Variants in FLT1 observed in about 807,000 individuals in gnomAD.
FLT1 encodes the protein fms related receptor tyrosine kinase 1.
FLT1 carries 49 observed loss-of-function variants against 156.3 expected under a neutral mutation model. The observed-to-expected ratio is 0.31, with a 90% CI of 0.25 to 0.40. FLT1 has a LOEUF of 0.40. Among genes scored for constraint, FLT1 ranks in the 10% least tolerant of loss-of-function variants. The pLI is 1.00. For missense variants in FLT1, 1,322 were observed against 1,637.2 expected, an observed-to-expected ratio of 0.81 and a Z score of 3.32; for synonymous variants, 594 against 583.8, an observed-to-expected ratio of 1.02 and a Z score of -0.25.
At chr13:28,447,172 A>G (rs555678381) in intron 3 of FLT1, among the ~76,000 whole-genome samples, 65 of 147,414 alleles carry the variant, frequency 4.4e-4, no homozygotes, top group African/African-American at 1.6e-3. Context: ...AATATAATAT[A>G]TAATATATTA....
intron 1 of FLT1, among the ~76,000 whole-genome samples, chr13:28,476,401 T>C (rs1880548551): frequency 6.6e-6 from 1 of 152,216 alleles, no homozygotes. Context: ...GACTTTTACA[T>C]GGGCAACTTT....
chr13:28,317,711 A>G, intron 24 of FLT1, 114 bp from the exon 25 acceptor site: 1 of 735,690 alleles, frequency 1.4e-6, no homozygotes, highest in East Asian at 2.6e-5. Context: ...TTTAGTAATA[A>G]ATTCCCAGGG....
intron 14 of FLT1, among the ~76,000 whole-genome samples, chr13:28,370,101 G>A (rs1218241219): frequency 6.6e-6 from 1 of 151,868 alleles, no homozygotes; most frequent in Non-Finnish European, 1.5e-5. Context: ...ACTTGGGGAG[G>A]TGGGAGAGTT....
At chr13:28,364,431 G>A (rs1873215410) in intron 14 of FLT1, among the ~76,000 whole-genome samples, 1 of 152,086 alleles carries the variant, frequency 6.6e-6, no homozygotes, top group Non-Finnish European at 1.5e-5. Context: ...AAATTTGTCA[G>A]TATTTTTTAT....
At chr13:28,373,841 A>T (rs572733489) in intron 14 of FLT1, among the ~76,000 whole-genome samples, 1 of 152,128 alleles carries the variant, frequency 6.6e-6, no homozygotes, top group Non-Finnish European at 1.5e-5. Context: ...TACCACCCCC[A>T]CTAACCCCTC....
intron 14 of FLT1, among the ~76,000 whole-genome samples, chr13:28,378,487 A>G (rs952984493): frequency 1.3e-5 from 2 of 152,232 alleles, no homozygotes; most frequent in Non-Finnish European, 2.9e-5. Context: ...GTTATGCTCA[A>G]TGCTAAATGC....
In FLT1 at chr13:28,434,090, A is replaced by G. The variant is rs1214595771; in HGVS notation, c.644T>C (p.Leu215Ser). ...ATGTGTGAGATAGTTTGTCTTATAC[A>G]AATGCCCATTGACTGTTGCTTCACA... Reference protein sequence around the residue: ...LTCEATVNGHLYKTNYLTHRQ... With the variant: ...LTCEATVNGHSYKTNYLTHRQ... The change falls in exon 5 of 30, where the codon TTG (leucine) becomes TCG (serine). Residue 215 changes from leucine (L) to serine (S), a missense_variant. By Grantham distance (145) the Leu-to-Ser change is moderately radical (BLOSUM62 -2). This residue lies in a region of FLT1 where 991 missense variants were observed against 1,254.8 expected (regional missense o/e 0.79). Transcript: ENST00000282397. 1.2e-6 allele frequency: 2 copies of G among 1,614,218 alleles called. No individual in the cohort carries two copies. Among genetic ancestry groups the G allele is most frequent in the Admixed American group, 1.7e-5 (1 of 60,026 alleles).
At chr13:28,318,573 C>T (rs997227599) in intron 24 of FLT1, among the ~76,000 whole-genome samples, 7 of 152,294 alleles carry the variant, frequency 4.6e-5, no homozygotes, top group African/African-American at 7.2e-5. Context: ...GCAGTGCTGG[C>T]ACCGTGTCAT....
chr13:28,303,427 C>T (rs892911479), intron 29 of FLT1, 59 bp from the exon 30 acceptor site: 84 of 1,466,940 alleles, frequency 5.7e-5, no homozygotes, highest in Non-Finnish European at 7.3e-5. Context: ...AAAACAAAGA[C>T]ACTAAAATCT....
rs1372269126 is a variant in FLT1, at chr13:28,386,264, A to T, written c.1970-1233T>A. On this transcript the variant is annotated intron_variant, in intron 13 of 29. Transcript: ENST00000282397. ...TTTCCCTTTTGAGTCCTGCAGGGCAACTCTCAGGATTAGCATTTGTTAAAG... is the reference window on the plus strand; with the variant it reads ...TTTCCCTTTTGAGTCCTGCAGGGCATCTCTCAGGATTAGCATTTGTTAAAG... 3.8e-6 allele frequency: 4 copies of T among 1,049,358 alleles called. No homozygotes were observed. The African/African-American group carries it at 6.6e-5, about 17-fold the overall frequency. 65.0% of individuals were successfully genotyped at this position (1,049,358 alleles called of 1,614,324 possible).
At position 28,390,223 on chromosome 13, in the gene FLT1, ATGAG is replaced by A. The variant is rs921722887; in HGVS notation, c.1661-123_1661-120del. The A allele has an allele frequency of 6.5e-6, 9 of 1,376,110 alleles. No individual in the cohort carries two copies. In the African/African-American group the frequency reaches 1.3e-4, roughly 20 times the overall value. 85.2% of individuals were successfully genotyped at this position (1,376,110 alleles called of 1,614,324 possible). A position where few individuals can be genotyped will look rare whatever the true frequency, so the allele number is the denominator to read the frequency against. ...TATCTCAGTATCCACATTAAAAAGGATGAGTATTTGGGGTAAATGAGCAAACACA... is the reference window on the plus strand; with the variant it reads ...TATCTCAGTATCCACATTAAAAAGGATATTTGGGGTAAATGAGCAAACACA... On this transcript the variant is annotated intron_variant, in intron 12 of 29. Coordinates refer to ENST00000282397, the MANE Select transcript of FLT1 (RefSeq NM_002019.4).
At chr13:28,387,420 TAA>T (rs1378993803) in intron 13 of FLT1, 1 of 1,056,134 alleles carries the variant, frequency 9.5e-7, no homozygotes, top group East Asian at 5.3e-5. Flanking sequence ...TTTCGAAACC[TAA>T]GTTACTTGAT....
intron 11 of FLT1, among the ~76,000 whole-genome samples, chr13:28,397,779 T>C (rs1435515468): frequency 6.6e-6 from 1 of 151,818 alleles, no homozygotes; most frequent in Non-Finnish European, 1.5e-5. Flanking sequence ...TGTGTGTGTG[T>C]GTGTGTGTGT....
intron 10 of FLT1, among the ~76,000 whole-genome samples, chr13:28,412,369 T>TTTCTTTCTTTCTTTCTTTCC (rs1566013053): frequency 1.2e-5 from 1 of 83,074 alleles, no homozygotes; most frequent in African/African-American, 3.4e-5. Context: ...TCTTTCTTTC[T>TTTCTTTCTTTCTTTCTTTCC]TTCTTTCTTT....
At chr13:28,472,595 C>T (rs1880237414) in intron 1 of FLT1, among the ~76,000 whole-genome samples, 1 of 152,226 alleles carries the variant, frequency 6.6e-6, no homozygotes, top group Non-Finnish European at 1.5e-5. Context: ...CACCTTGGCA[C>T]CCCTTATTCT....
intron 4 of FLT1, among the ~76,000 whole-genome samples, chr13:28,434,494 T>C (rs1196841705): frequency 6.6e-6 from 1 of 152,216 alleles, no homozygotes; most frequent in African/African-American, 2.4e-5. Flanking sequence ...CTACCCAGGA[T>C]AGACCTACTT....
intron 11 of FLT1, among the ~76,000 whole-genome samples, chr13:28,404,983 G>A (rs1333863737): frequency 1.4e-5 from 2 of 147,494 alleles, no homozygotes; most frequent in African/African-American, 2.5e-5. Context: ...TCACGCCATC[G>A]CACTCCAGCC....
At chr13:28,368,558 G>C (rs1022303386) in intron 14 of FLT1, 1 of 1,534,812 alleles carries the variant, frequency 6.5e-7, no homozygotes, top group Non-Finnish European at 8.8e-7. Flanking sequence ...TGATGATGAT[G>C]ATGATGATAA....
chr13:28,318,554 G>A (rs937218636), intron 24 of FLT1, among the ~76,000 whole-genome samples: 2 of 152,178 alleles, frequency 1.3e-5, no homozygotes, highest in Non-Finnish European at 2.9e-5. Flanking sequence ...GGAAGCAGCT[G>A]GGAGGCGTGC....
Sources: allele counts gnomAD v4.1 joint callset (sites outside exome capture counted in the v4.1 genomes callset), GRCh38; gene constraint gnomAD v4.1.1; regional missense constraint gnomAD v4.1.1; transcripts MANE v1.5; gene names NCBI Gene and HGNC (gene_info 2026-07-23, HGNC 2026-07-21).